The following CDK8 variants were observed in gnomAD, a reference collection of about 807,000 sequenced individuals.
The protein encoded by CDK8 is cyclin dependent kinase 8, also known as cyclin-dependent kinase 8.
A neutral mutation model predicts 71.5 loss-of-function variants in CDK8; 29 were observed. The ratio of observed to expected loss-of-function variants is 0.41; its 90% CI spans 0.30 to 0.55. The LOEUF (loss-of-function observed/expected upper bound fraction) is 0.55, where lower values mean the gene tolerates loss of function less well. Ranked by LOEUF, CDK8 falls within the 20% of genes least tolerant of loss-of-function variation. The probability of loss-of-function intolerance (pLI) is 0.37; values close to 1 mark genes in which losing one functional copy is unlikely to be tolerated. For missense variants in CDK8, 288 were observed against 572.6 expected, an observed-to-expected ratio of 0.50 and a Z score of 5.07; for synonymous variants, 161 against 192.1, an observed-to-expected ratio of 0.84 and a Z score of 1.34.
intron 4 of CDK8, among the ~76,000 whole-genome samples, chr13:26,368,906 C>CCA (rs1874519632): frequency 6.6e-6 from 1 of 151,944 alleles, no homozygotes; most frequent in Non-Finnish European, 1.5e-5. Flanking sequence ...TAATGTTGAA[C>CCA]CCTCCTTGCA....
At chr13:26,355,300 G>C (rs763589698) in intron 4 of CDK8, among the ~76,000 whole-genome samples, 2 of 152,178 alleles carry the variant, frequency 1.3e-5, no homozygotes, top group African/African-American at 2.4e-5. Context: ...TTTTAATACA[G>C]TTAGAATATT....
chr13:26,390,567 G>A (rs1023195973), intron 6 of CDK8, among the ~76,000 whole-genome samples: 5 of 152,156 alleles, frequency 3.3e-5, no homozygotes, highest in South Asian at 4.1e-4. Flanking sequence ...TAAAAAAAGG[G>A]ATATCAATCT....
chr13:26,368,850 A>G (rs559435579), intron 4 of CDK8, among the ~76,000 whole-genome samples: 2 of 152,182 alleles, frequency 1.3e-5, no homozygotes, highest in East Asian at 3.9e-4. Context: ...ATTTCCTTTA[A>G]TCCATTAATG....
At chr13:26,390,296 C>T (rs1694444417) in intron 6 of CDK8, among the ~76,000 whole-genome samples, 1 of 152,068 alleles carries the variant, frequency 6.6e-6, no homozygotes, top group Non-Finnish European at 1.5e-5. Context: ...ACATCTGTTA[C>T]GAAGCTACTA....
At chr13:26,299,307 T>C (rs186275325) in intron 1 of CDK8, among the ~76,000 whole-genome samples, 17 of 152,308 alleles carry the variant, frequency 1.1e-4, no homozygotes, top group Admixed American at 1.0e-3. Flanking sequence ...CATGGAGATA[T>C]AGCCTGAGAA....
chr13:26,379,415 C>T (rs1410677438), intron 4 of CDK8, among the ~76,000 whole-genome samples: 2 of 152,238 alleles, frequency 1.3e-5, no homozygotes, highest in Non-Finnish European at 2.9e-5. Context: ...TACTATTTAT[C>T]CCCCCACCAG....
At chr13:26,348,756 C>G (rs540557576) in intron 2 of CDK8, among the ~76,000 whole-genome samples, 1 of 152,014 alleles carries the variant, frequency 6.6e-6, no homozygotes, top group Non-Finnish European at 1.5e-5. Context: ...TATAGGATGC[C>G]ACTGAATTGT....
intron 4 of CDK8, chr13:26,359,839 C>A: frequency 3.9e-6 from 1 of 253,476 alleles, no homozygotes; most frequent in Non-Finnish European, 8.2e-6. Flanking sequence ...CCTTAGCCTC[C>A]CAAGTAGCTG....
At chr13:26,329,892 G>A (rs1362121023) in intron 1 of CDK8, among the ~76,000 whole-genome samples, 1 of 152,140 alleles carries the variant, frequency 6.6e-6, no homozygotes. Context: ...ACTACTTGCT[G>A]CTAGTCTTTA....
intron 1 of CDK8, among the ~76,000 whole-genome samples, chr13:26,307,233 G>A (rs898176652): frequency 5.2e-4 from 79 of 152,104 alleles, no homozygotes; most frequent in African/African-American, 1.7e-3. Flanking sequence ...TGGAATTATG[G>A]TTTCTAATCA....
At chr13:26,264,675 A>T (rs1157274088) in intron 1 of CDK8, among the ~76,000 whole-genome samples, 1 of 152,058 alleles carries the variant, frequency 6.6e-6, no homozygotes, top group African/African-American at 2.4e-5. Context: ...ATTTATTTCT[A>T]TTACGTTAAT....
At chr13:26,299,445 A>G (rs942612826) in intron 1 of CDK8, among the ~76,000 whole-genome samples, 5 of 152,194 alleles carry the variant, frequency 3.3e-5, no homozygotes, top group Admixed American at 6.5e-5. Context: ...ACAAACCTGT[A>G]CTGTGTACAT....
intron 6 of CDK8, among the ~76,000 whole-genome samples, chr13:26,386,293 G>A (rs1229871926): frequency 6.6e-6 from 1 of 152,104 alleles, no homozygotes; most frequent in African/African-American, 2.4e-5. Context: ...TTTCACCATC[G>A]CTTGTCCATT....
chr13:26,335,215 AGCCTTCT>A (rs1413316536), intron 1 of CDK8, among the ~76,000 whole-genome samples: 1 of 152,130 alleles, frequency 6.6e-6, no homozygotes, highest in Admixed American at 6.6e-5. Context: ...TTCACCCCTC[AGCCTTCT>A]GCAATATAGA....
intron 1 of CDK8, among the ~76,000 whole-genome samples, chr13:26,262,239 G>C (rs1343095078): frequency 6.6e-6 from 1 of 152,214 alleles, no homozygotes; most frequent in Non-Finnish European, 1.5e-5. Flanking sequence ...AACTACTTCA[G>C]TGTATATGTG....
chr13:26,269,981 G>A (rs1194063800), intron 1 of CDK8, among the ~76,000 whole-genome samples: 2 of 152,040 alleles, frequency 1.3e-5, no homozygotes, highest in Non-Finnish European at 2.9e-5. Context: ...TTGTCTTCAT[G>A]GAAAAATATT....
intron 4 of CDK8, 63 bp downstream of exon 4, chr13:26,353,943 C>A: frequency 1.4e-6 from 2 of 1,415,294 alleles, no homozygotes; most frequent in South Asian, 2.3e-5. Flanking sequence ...CTTTTCTAGT[C>A]GTCTGTAGAT....
intron 2 of CDK8, among the ~76,000 whole-genome samples, chr13:26,339,943 C>T (rs1014224011): frequency 6.6e-6 from 1 of 151,498 alleles, no homozygotes; most frequent in Non-Finnish European, 1.5e-5. Context: ...GGCCATCTCA[C>T]ACAATGTTGA....
intron 1 of CDK8, among the ~76,000 whole-genome samples, chr13:26,293,397 G>A (rs1231597973): frequency 6.6e-6 from 1 of 152,010 alleles, no homozygotes; most frequent in Non-Finnish European, 1.5e-5. Context: ...GAGCTCAGGA[G>A]TTCATGACCA....
Sources: gnomAD v4.1 joint callset for allele counts (sites outside exome capture counted in the v4.1 genomes callset) on GRCh38, gnomAD v4.1.1 for gene constraint, MANE v1.5 for transcripts, NCBI Gene and HGNC (gene_info 2026-07-23, HGNC 2026-07-21) for gene names.